The following GAB1 variants were observed in gnomAD, a reference collection of about 807,000 sequenced individuals.
GAB1 encodes the protein GRB2-associated-binding protein 1.
A neutral mutation model predicts 66.5 loss-of-function variants in GAB1; 19 were observed. The ratio of observed to expected loss-of-function variants is 0.29; its 90% CI spans 0.20 to 0.42. The LOEUF is 0.42. Ranked by LOEUF, GAB1 falls within the 10% of genes least tolerant of loss-of-function variation. The pLI, the probability that GAB1 is intolerant of heterozygous loss-of-function variation, is 1.00. For synonymous variants in GAB1, 294 were observed against 301.4 expected (o/e 0.98, Z 0.25); for missense variants, 732 against 858.5 (o/e 0.85, Z 1.84).
At chr4:143,368,342 C>T (rs1193526956) in intron 1 of GAB1, among the ~76,000 whole-genome samples, 1 of 152,098 alleles carries the variant, frequency 6.6e-6, no homozygotes, top group East Asian at 1.9e-4. Context: ...TTGTTTTCTT[C>T]ATAACAATTG....
At chr4:143,419,875 A>G (rs1732923264) in intron 2 of GAB1, among the ~76,000 whole-genome samples, 1 of 152,184 alleles carries the variant, frequency 6.6e-6, no homozygotes, top group African/African-American at 2.4e-5. Flanking sequence ...AGTATTAAGC[A>G]GCCAAAATCA....
chr4:143,342,468 T>G (rs577334366), intron 1 of GAB1, among the ~76,000 whole-genome samples: 1 of 152,194 alleles, frequency 6.6e-6, no homozygotes, highest in South Asian at 2.1e-4. Context: ...ATCCCATATT[T>G]TAGACTTAAC....
At chr4:143,352,664 A>G (rs1729277962) in intron 1 of GAB1, among the ~76,000 whole-genome samples, 1 of 152,196 alleles carries the variant, frequency 6.6e-6, no homozygotes, top group African/African-American at 2.4e-5. Context: ...TGCAGTTTCT[A>G]ACTTGAACCC....
At position 143,340,662 on chromosome 4, in the gene GAB1, C is replaced by T. The variant is rs1447611571; in HGVS notation, c.72+3402C>T. ...AGTAGCTGGGATTATAGGCATCCCC[C>T]TCCACACCCAGCTAATTTTTGTATT... On this transcript the variant is annotated intron_variant, in intron 1 of 9. Transcript: ENST00000262994. Among the ~76,000 whole-genome samples the T allele has an allele frequency of 3.9e-5, 6 of 152,266 alleles. No individual in the cohort carries two copies. In the East Asian group the frequency reaches 9.6e-4, roughly 24 times the overall value.
At chr4:143,387,960 C>A (rs560205127) in intron 1 of GAB1, among the ~76,000 whole-genome samples, 31 of 152,256 alleles carry the variant, frequency 2.0e-4, no homozygotes, top group African/African-American at 5.8e-4. Flanking sequence ...TGCTTCTGTC[C>A]AAAGGGTTTG....
chr4:143,358,433 T>C (rs1349089115), intron 1 of GAB1, among the ~76,000 whole-genome samples: 1 of 152,212 alleles, frequency 6.6e-6, no homozygotes, highest in East Asian at 1.9e-4. Context: ...AAATATTTCA[T>C]TTGTAGAGCT....
At position 143,336,926 on chromosome 4, in the gene GAB1, T is replaced by C; in HGVS notation, c.-263T>C. On this transcript the variant is annotated 5_prime_UTR_variant, in exon 1 of 10. Transcript: ENST00000262994. ...CTGAGGCAGCTGGCGAGACGGCACG[T>C]CTGGAGGCGAGGCGGGCGCACTGAA... is the stretch of plus-strand genomic sequence containing the variant. The C allele has an allele frequency of 2.1e-6, 1 of 468,910 alleles. No homozygotes were observed. The allele number at this position is 468,910 out of a possible 1,614,324, so 29.0% of individuals were successfully genotyped here.
intron 6 of GAB1, among the ~76,000 whole-genome samples, chr4:143,447,706 C>G (rs1218332366): frequency 6.6e-6 from 1 of 152,158 alleles, no homozygotes; most frequent in Non-Finnish European, 1.5e-5. Flanking sequence ...ATGGGGTTTT[C>G]TAGATATACA....
chr4:143,339,223 C>T (rs1362506506), intron 1 of GAB1, among the ~76,000 whole-genome samples: 1 of 152,208 alleles, frequency 6.6e-6, no homozygotes, highest in Admixed American at 6.5e-5. Context: ...GGAGCTTAGA[C>T]TAGGTTATCT....
intron 8 of GAB1, among the ~76,000 whole-genome samples, chr4:143,462,927 GC>G (rs2149794310): frequency 6.6e-6 from 1 of 152,306 alleles, no homozygotes; most frequent in African/African-American, 2.4e-5. Context: ...TTCCCAGAGT[GC>G]TGGGATTACA....
chr4:143,412,557 G>C (rs17017757), intron 1 of GAB1, among the ~76,000 whole-genome samples: 1 of 151,954 alleles, frequency 6.6e-6, no homozygotes, highest in African/African-American at 2.4e-5. Context: ...GGGGAGTTAC[G>C]TACTACACAA....
intron 1 of GAB1, among the ~76,000 whole-genome samples, chr4:143,389,614 A>AT (rs1238140565): frequency 4.6e-5 from 7 of 152,230 alleles, no homozygotes; most frequent in African/African-American, 1.4e-4. Flanking sequence ...TTGTTCTGGA[A>AT]TTTTTACTCA....
At chr4:143,341,144 A>T (rs893708185) in intron 1 of GAB1, among the ~76,000 whole-genome samples, 2 of 152,128 alleles carry the variant, frequency 1.3e-5, no homozygotes, top group African/African-American at 4.8e-5. Flanking sequence ...GCTTCTTTTC[A>T]GGGTTGCTAC....
chr4:143,426,843 C>T (rs982738441), intron 2 of GAB1, among the ~76,000 whole-genome samples: 1 of 152,150 alleles, frequency 6.6e-6, no homozygotes, highest in African/African-American at 2.4e-5. Context: ...TACATAAAGG[C>T]ATTATCAAAA....
chr4:143,442,016 T>C (rs1734272061), intron 6 of GAB1, among the ~76,000 whole-genome samples: 2 of 152,198 alleles, frequency 1.3e-5, no homozygotes, highest in South Asian at 4.1e-4. Flanking sequence ...ATCAGAGGCT[T>C]TCTATCGGAT....
intron 6 of GAB1, among the ~76,000 whole-genome samples, chr4:143,444,137 G>A (rs1160114472): frequency 6.6e-6 from 1 of 152,132 alleles, no homozygotes; most frequent in Non-Finnish European, 1.5e-5. Context: ...TGGAAAGGGA[G>A]TTTTGTAAAG....
rs70953733 is a variant in GAB1 at position 143,421,698 on chromosome 4, C to CTTTTTTT, written c.367+5936_367+5942dup. Among the ~76,000 whole-genome samples, 17 of 118,684 alleles carry CTTTTTTT rather than the reference C, an allele frequency of 1.4e-4. 1 individual carries two copies. Among genetic ancestry groups the CTTTTTTT allele is most frequent in the East Asian group, 2.4e-4 (1 of 4,126 alleles). 77.9% of individuals were successfully genotyped at this position (118,684 alleles called of 152,430 possible). ...TTCTTTTTTTCTTTTCTTTTCTTTT[C>CTTTTTTT]TTTTTTTTTTTTTTTGCATATTTCC... On this transcript the variant is annotated intron_variant, in intron 2 of 9. Transcript: ENST00000262994.
At chr4:143,387,130 G>GTTGT (rs71588252) in intron 1 of GAB1, among the ~76,000 whole-genome samples, 4,401 of 152,082 alleles carry the variant, frequency 0.029, 73 homozygotes, top group South Asian at 0.059. Context: ...TTTTGTTGTT[G>GTTGT]TTGTTTGTTT....
At chr4:143,369,377 A>G (rs958074754) in intron 1 of GAB1, among the ~76,000 whole-genome samples, 2 of 152,200 alleles carry the variant, frequency 1.3e-5, no homozygotes, top group Non-Finnish European at 2.9e-5. Flanking sequence ...GCAGCTGGCC[A>G]AGAAATACCA....
Sources: gnomAD v4.1 joint callset for allele counts (sites outside exome capture counted in the v4.1 genomes callset) on GRCh38, gnomAD v4.1.1 for gene constraint, MANE v1.5 for transcripts, NCBI Gene and HGNC (gene_info 2026-07-23, HGNC 2026-07-21) for gene names.